The following RBFOX1 variants were observed in gnomAD, a reference collection of about 807,000 sequenced individuals.
RBFOX1 encodes the protein RNA binding fox-1 homolog 1.
Under a neutral mutation model 57.7 loss-of-function variants are expected in RBFOX1, and 8 were observed. That is an observed-to-expected ratio of 0.14 (90% CI 0.08 to 0.25). The LOEUF is 0.25. Among genes scored for constraint, RBFOX1 ranks in the 10% least tolerant of loss-of-function variants. The probability of loss-of-function intolerance (pLI) is 1.00; values close to 1 mark genes in which losing one functional copy is unlikely to be tolerated. For synonymous variants in RBFOX1, 326 were observed against 222.4 expected (o/e 1.47, Z -4.15); for missense variants, 611 against 548.5 (o/e 1.11, Z -1.14).
At chr16:7,595,291 C>T (rs1304015819) in intron 7 of RBFOX1, among the ~76,000 whole-genome samples, 1 of 152,016 alleles carries the variant, frequency 6.6e-6, no homozygotes, top group East Asian at 1.9e-4. Context: ...TCTGTAGTGA[C>T]ATTTAGAAAG....
intron 1 of RBFOX1, among the ~76,000 whole-genome samples, chr16:5,459,168 A>C (rs1269233206): frequency 1.3e-5 from 2 of 152,216 alleles, no homozygotes; most frequent in Non-Finnish European, 2.9e-5. Context: ...CATTCTAGGC[A>C]GTAATGACAT....
chr16:5,571,457 T>C (rs2151133101), intron 2 of RBFOX1, among the ~76,000 whole-genome samples: 1 of 152,016 alleles, frequency 6.6e-6, no homozygotes, highest in East Asian at 1.9e-4. Flanking sequence ...TCAAGTGATC[T>C]GCCCGCCTGG....
intron 4 of RBFOX1, among the ~76,000 whole-genome samples, chr16:7,070,529 A>G (rs140052503): frequency 2.0e-5 from 3 of 152,268 alleles, no homozygotes; most frequent in Non-Finnish European, 2.9e-5. Flanking sequence ...CTTTACGCCA[A>G]AGGCATGTTT....
chr16:7,237,679 G>A (rs1567839027), intron 4 of RBFOX1, among the ~76,000 whole-genome samples: 1 of 152,178 alleles, frequency 6.6e-6, no homozygotes, highest in South Asian at 2.1e-4. Flanking sequence ...AAAACGTGGT[G>A]TATACTGGAA....
At chr16:6,116,598 G>C (rs1237496860) in intron 1 of RBFOX1, among the ~76,000 whole-genome samples, 1 of 152,184 alleles carries the variant, frequency 6.6e-6, no homozygotes, top group African/African-American at 2.4e-5. Context: ...GCAGAGTGAA[G>C]AGGAACTTCT....
intron 14 of RBFOX1, among the ~76,000 whole-genome samples, chr16:7,706,254 G>A (rs940618739): frequency 9.2e-5 from 14 of 152,260 alleles, no homozygotes; most frequent in African/African-American, 3.1e-4. Flanking sequence ...CTTTTCCTCT[G>A]GGGAAATGAA....
chr16:7,421,240 A>AGAG (rs75023279), intron 4 of RBFOX1, among the ~76,000 whole-genome samples: 34,418 of 151,930 alleles, frequency 0.23, 3,989 homozygotes, highest in East Asian at 0.31. Flanking sequence ...AGACAAAGAG[A>AGAG]GAGAGAACAA....
chr16:7,576,456 A>G (rs1220422496), intron 5 of RBFOX1, among the ~76,000 whole-genome samples: 1 of 152,044 alleles, frequency 6.6e-6, no homozygotes, highest in East Asian at 1.9e-4. Flanking sequence ...TTCCCTTTCC[A>G]TACACCCACA....
chr16:5,689,436 G>A (rs185542012), intron 3 of RBFOX1, among the ~76,000 whole-genome samples: 1 of 152,140 alleles, frequency 6.6e-6, no homozygotes, highest in Non-Finnish European at 1.5e-5. Flanking sequence ...GATGAGGGTG[G>A]GGAAAGCGGA....
intron 1 of RBFOX1, among the ~76,000 whole-genome samples, chr16:5,355,372 AC>A (rs2065362098): frequency 6.6e-6 from 1 of 152,158 alleles, no homozygotes; most frequent in Admixed American, 6.5e-5. Context: ...CCTGGAGGAC[AC>A]GTGTATGTGC....
At chr16:6,839,542 G>A (rs1327975615) in intron 3 of RBFOX1, among the ~76,000 whole-genome samples, 1 of 152,098 alleles carries the variant, frequency 6.6e-6, no homozygotes, top group East Asian at 1.9e-4. Context: ...AGACAAGGAG[G>A]GTATCTGAGA....
intron 1 of RBFOX1, among the ~76,000 whole-genome samples, chr16:6,102,707 C>T (rs549908614): frequency 4.6e-5 from 7 of 152,154 alleles, no homozygotes; most frequent in East Asian, 1.9e-4. Context: ...GAATCATTTT[C>T]GCCTCGATTT....
At position 5,599,139 on chromosome 16, in the gene RBFOX1, T is replaced by TTAGGAAA. The variant is rs71404537; in HGVS notation, c.496_497insTAGGAAA (p.Ser166LeufsTer100). On this transcript the variant is annotated frameshift_variant, in exon 3 of 3. Coordinates refer to the RBFOX1 transcript ENST00000585867. LOFTEE classifies it low-confidence loss of function (END_TRUNC). Reference sequence around the variant, plus strand: ...TTCCAGAGCACTTGCACAATTTCTATCACTTGGGCCGTATTCCCAGCCTCT... The same window carrying TTAGGAAA: ...TTCCAGAGCACTTGCACAATTTCTATTAGGAAACACTTGGGCCGTATTCCCAGCCTCT... 418,896 of 721,684 alleles carry TTAGGAAA rather than the reference T, an allele frequency of 0.58. 128,537 individuals are homozygous for TTAGGAAA. Among genetic ancestry groups the TTAGGAAA allele is most frequent in the East Asian group, 0.95 (35,422 of 37,314 alleles). The allele number at this position is 721,684 out of a possible 1,614,324, so 44.7% of individuals were successfully genotyped here.
chr16:6,881,117 C>T (rs1317961171), intron 3 of RBFOX1, among the ~76,000 whole-genome samples: 2 of 152,154 alleles, frequency 1.3e-5, no homozygotes, highest in Non-Finnish European at 2.9e-5. Flanking sequence ...CCATGCTTCT[C>T]AGTGAAGCGC....
At chr16:6,679,588 T>A (rs904286583) in intron 3 of RBFOX1, among the ~76,000 whole-genome samples, 37 of 152,318 alleles carry the variant, frequency 2.4e-4, no homozygotes, top group African/African-American at 8.9e-4. Flanking sequence ...ATTATCTTTT[T>A]ATGCTAAGAA....
intron 3 of RBFOX1, among the ~76,000 whole-genome samples, chr16:6,885,479 C>A (rs976940284): frequency 2.6e-4 from 39 of 152,168 alleles, no homozygotes; most frequent in African/African-American, 8.4e-4. Flanking sequence ...TGGAGACTTT[C>A]TTGACAAAGT....
chr16:6,952,049 C>T lies in RBFOX1; in HGVS notation c.-15-100008C>T, dbSNP rs558670442. 3.9e-5 allele frequency among the ~76,000 whole-genome samples: 6 copies of T among 152,290 alleles called. No individual in the cohort carries two copies. In the South Asian group the frequency reaches 1.2e-3, roughly 32 times the overall value. On this transcript the variant is annotated intron_variant, in intron 3 of 15. Coordinates refer to ENST00000550418, the MANE Select transcript of RBFOX1 (RefSeq NM_018723.4). ...TGGCCACTGTTGAAAAAAGTGGTTT[C>T]TCATACGTGGTTGATCAGATACATG...
chr16:6,604,142 C>T (rs768650735), intron 2 of RBFOX1, among the ~76,000 whole-genome samples: 2 of 151,932 alleles, frequency 1.3e-5, no homozygotes, highest in African/African-American at 2.4e-5. Flanking sequence ...GGCAGCATCC[C>T]CTCGCCTTGG....
chr16:7,485,089 C>T (rs554380319), intron 4 of RBFOX1, among the ~76,000 whole-genome samples: 2 of 149,186 alleles, frequency 1.3e-5, no homozygotes, highest in African/African-American at 4.9e-5. Context: ...TAACAGAGGA[C>T]TTGACTTAGA....
Sources: gnomAD v4.1 joint callset for allele counts (sites outside exome capture counted in the v4.1 genomes callset) on GRCh38, gnomAD v4.1.1 for gene constraint, MANE v1.5 for transcripts, NCBI Gene and HGNC (gene_info 2026-07-23, HGNC 2026-07-21) for gene names.